The following TSPAN12 variants were observed in gnomAD, a reference collection of about 807,000 sequenced individuals.
TSPAN12 encodes tetraspanin 12, also known as tetraspanin-12.
In TSPAN12, 19 loss-of-function variants were observed where a neutral mutation model predicts 39.2. That is an observed-to-expected ratio of 0.49 (90% confidence interval 0.34 to 0.71). The LOEUF is 0.71. Ranked by LOEUF, TSPAN12 falls within the 30% of genes least tolerant of loss-of-function variation. The probability of loss-of-function intolerance (pLI) is 0.01; values close to 1 mark genes in which losing one functional copy is unlikely to be tolerated. For synonymous variants in TSPAN12, 119 were observed against 124.8 expected, an observed-to-expected ratio of 0.95 and a Z score of 0.31; for missense variants, 314 against 359.9, an observed-to-expected ratio of 0.87 and a Z score of 1.03.
At chr7:120,809,970 T>C (rs1418821546) in intron 6 of TSPAN12, among the ~76,000 whole-genome samples, 8 of 152,190 alleles carry the variant, frequency 5.3e-5, no homozygotes, top group African/African-American at 1.7e-4. Context: ...ATGTAAATTA[T>C]AGAAGCTCAC....
At chr7:120,842,573 G>GT (rs2116477934) in intron 2 of TSPAN12, among the ~76,000 whole-genome samples, 1 of 152,114 alleles carries the variant, frequency 6.6e-6, no homozygotes, top group Non-Finnish European at 1.5e-5. Context: ...ACGTGCCAGG[G>GT]TTAGTCACTG....
chr7:120,814,439 G>A (rs1794042011), intron 5 of TSPAN12, among the ~76,000 whole-genome samples: 1 of 152,120 alleles, frequency 6.6e-6, no homozygotes, highest in South Asian at 2.1e-4. Flanking sequence ...GAATCATCCT[G>A]GGTGGCTCCT....
chr7:120,804,752 A>T lies in TSPAN12; in HGVS notation c.612+1797T>A, dbSNP rs140398325. 1.4e-3 allele frequency among the ~76,000 whole-genome samples: 207 copies of T among 152,278 alleles called. 2 individuals are homozygous for T. The highest frequency in any genetic ancestry group is 4.8e-3 in the African/African-American group (198 of 41,558). ...ACATAGGATTGTTGCAGATGTAACTAAGATGAGGTCCGACTGGAGGACAGT... is the reference window on the plus strand; with the variant it reads ...ACATAGGATTGTTGCAGATGTAACTTAGATGAGGTCCGACTGGAGGACAGT... On this transcript the variant is annotated intron_variant, in intron 7 of 7. Transcript: ENST00000222747.
rs114190854 is a variant in TSPAN12, at chr7:120,844,418, G to C, written c.67-4309C>G. Among the ~76,000 whole-genome samples the C allele has an allele frequency of 3.5e-3, 530 of 152,232 alleles. 4 individuals carry two copies. The highest frequency in any genetic ancestry group is 0.012 in the African/African-American group (503 of 41,518). ...AAGTCCACAGTCCAAAGTCCCACTT[G>C]AGACAAGTCAAGTCCCTTCTGCCTA... On this transcript the variant is annotated intron_variant, in intron 2 of 7. Coordinates refer to ENST00000222747, the MANE Select transcript of TSPAN12 (RefSeq NM_012338.4).
intron 5 of TSPAN12, among the ~76,000 whole-genome samples, chr7:120,811,594 C>A (rs182616625): frequency 0.012 from 1,791 of 150,534 alleles, 18 homozygotes; most frequent in African/African-American, 0.026. Context: ...GGTGTGAACC[C>A]GGAGGGCGAA....
intron 3 of TSPAN12, among the ~76,000 whole-genome samples, chr7:120,839,446 G>A (rs1055883625): frequency 3.3e-5 from 5 of 152,068 alleles, no homozygotes; most frequent in Admixed American, 1.3e-4. Flanking sequence ...TTCATTAACC[G>A]AAACCAGTAT....
chr7:120,820,927 G>A (rs1011538652), intron 4 of TSPAN12, among the ~76,000 whole-genome samples: 2 of 151,838 alleles, frequency 1.3e-5, no homozygotes, highest in Admixed American at 6.6e-5. Flanking sequence ...TGTCTTTTCT[G>A]TAGATTATGC....
At chr7:120,855,771 A>G (rs532147641) in intron 2 of TSPAN12, among the ~76,000 whole-genome samples, 226 of 152,324 alleles carry the variant, frequency 1.5e-3, no homozygotes, top group African/African-American at 4.8e-3. Context: ...TAATAGCCCT[A>G]TGAAAAAAAG....
intron 2 of TSPAN12, among the ~76,000 whole-genome samples, chr7:120,850,280 G>C (rs761391921): frequency 6.6e-6 from 1 of 152,186 alleles, no homozygotes; most frequent in Admixed American, 6.5e-5. Flanking sequence ...ATCCTGATCT[G>C]ACCAGAAGAG....
At chr7:120,826,500 G>A (rs528372154) in intron 4 of TSPAN12, among the ~76,000 whole-genome samples, 4 of 152,020 alleles carry the variant, frequency 2.6e-5, no homozygotes, top group Non-Finnish European at 5.9e-5. Flanking sequence ...ACAGATTATT[G>A]GGCCATTCCT....
chr7:120,832,106 T>C (rs1056533260), intron 4 of TSPAN12, among the ~76,000 whole-genome samples: 7 of 152,082 alleles, frequency 4.6e-5, no homozygotes, highest in Admixed American at 2.0e-4. Context: ...CAAACATTAC[T>C]ATCATGTAAT....
intron 4 of TSPAN12, among the ~76,000 whole-genome samples, chr7:120,828,838 G>A (rs1373250658): frequency 6.6e-6 from 1 of 151,756 alleles, no homozygotes; most frequent in Non-Finnish European, 1.5e-5. Flanking sequence ...TATTTTAAAT[G>A]CTTGTTTACT....
At chr7:120,822,833 G>T (rs1463267236) in intron 4 of TSPAN12, among the ~76,000 whole-genome samples, 2 of 152,116 alleles carry the variant, frequency 1.3e-5, no homozygotes, top group Non-Finnish European at 2.9e-5. Flanking sequence ...AGCAGGTATA[G>T]TAGATGACAA....
chr7:120,837,656 C>G (rs1015236113), intron 4 of TSPAN12, among the ~76,000 whole-genome samples: 1 of 152,096 alleles, frequency 6.6e-6, no homozygotes, highest in Non-Finnish European at 1.5e-5. Flanking sequence ...TTTCAATATT[C>G]GACCTGAACA....
chr7:120,828,875 T>C (rs1194165888), intron 4 of TSPAN12, among the ~76,000 whole-genome samples: 1 of 152,146 alleles, frequency 6.6e-6, no homozygotes, highest in Non-Finnish European at 1.5e-5. Context: ...TGATTCATAT[T>C]CTACTTAATT....
chr7:120,826,763 C>T (rs1794295864), intron 4 of TSPAN12, among the ~76,000 whole-genome samples: 1 of 152,134 alleles, frequency 6.6e-6, no homozygotes, highest in African/African-American at 2.4e-5. Context: ...CATTCTTTCA[C>T]CCAGGCTGCA....
chr7:120,837,732 T>C (rs2116463109), intron 4 of TSPAN12, among the ~76,000 whole-genome samples: 1 of 152,354 alleles, frequency 6.6e-6, no homozygotes, highest in Non-Finnish European at 1.5e-5. Context: ...AAGCTTTAGT[T>C]CAACTTCACA....
intron 4 of TSPAN12, among the ~76,000 whole-genome samples, chr7:120,830,670 A>G (rs1794373982): frequency 6.6e-6 from 1 of 152,122 alleles, no homozygotes; most frequent in Admixed American, 6.5e-5. Context: ...ATTTAAATGT[A>G]AGACCTGAAA....
chr7:120,795,404 T>A (rs1022493104), intron 7 of TSPAN12, among the ~76,000 whole-genome samples: 23 of 152,208 alleles, frequency 1.5e-4, no homozygotes, highest in African/African-American at 5.3e-4. Context: ...CTACATTTCC[T>A]GGAATCTATT....
Sources: gnomAD v4.1 joint callset for allele counts (sites outside exome capture counted in the v4.1 genomes callset) on GRCh38, gnomAD v4.1.1 for gene constraint, MANE v1.5 for transcripts, NCBI Gene and HGNC (gene_info 2026-07-23, HGNC 2026-07-21) for gene names.